The following SV2B variants were observed in gnomAD, a reference collection of about 807,000 sequenced individuals.
SV2B encodes the protein synaptic vesicle glycoprotein 2B.
Under a neutral mutation model 73.9 loss-of-function variants are expected in SV2B, and 41 were observed. That is an observed-to-expected ratio of 0.56 (90% CI 0.43 to 0.72). SV2B has a LOEUF of 0.72. SV2B is among the 30% of genes least tolerant of loss of function. SV2B has a pLI of 0.00. For synonymous variants in SV2B, 314 were observed against 314.2 expected (o/e 1.00, Z 0.01); for missense variants, 764 against 857.8 (o/e 0.89, Z 1.37).
chr15:91,211,230 G>A (rs1319789000), intron 1 of SV2B, among the ~76,000 whole-genome samples: 4 of 152,216 alleles, frequency 2.6e-5, no homozygotes, highest in African/African-American at 9.6e-5. Flanking sequence ...GGAATGGAGT[G>A]AAGGGCTCAT....
rs892688142 is a variant in SV2B, at chr15:91,232,592, G to A, written c.451+5878G>A. ...TCTAGAGGAGCGGAATTTTGAGGAT[G>A]AGTTGTCTGAATTGGTTCTGGGGTT... On this transcript the variant is annotated intron_variant, in intron 2 of 12. Transcript: ENST00000394232. The surrounding 1 kb of genome is among the most constrained non-coding windows in gnomAD (Gnocchi z 4.7). Among the ~76,000 whole-genome samples the A allele has an allele frequency of 2.6e-5, 4 of 152,130 alleles. No homozygotes were observed. Among genetic ancestry groups the A allele is most frequent in the Non-Finnish European group, 5.9e-5 (4 of 68,022 alleles).
At chr15:91,273,344 A>G (rs1476765380) in intron 9 of SV2B, among the ~76,000 whole-genome samples, 1 of 152,206 alleles carries the variant, frequency 6.6e-6, no homozygotes, top group Non-Finnish European at 1.5e-5. Flanking sequence ...TCCACATCAG[A>G]ATGTGATAAT....
chr15:91,183,635 T>C (rs1447590853), intron 1 of SV2B, among the ~76,000 whole-genome samples: 2 of 152,242 alleles, frequency 1.3e-5, no homozygotes, highest in Admixed American at 1.3e-4. Context: ...AGTTCCCCTG[T>C]TGAATTGGTT....
At chr15:91,200,921 G>T (rs1414164827) in intron 1 of SV2B, among the ~76,000 whole-genome samples, 5 of 152,052 alleles carry the variant, frequency 3.3e-5, no homozygotes, top group African/African-American at 1.2e-4. Flanking sequence ...AAAAGAAAAA[G>T]AAAAGAAAAC....
intron 4 of SV2B, among the ~76,000 whole-genome samples, chr15:91,255,245 A>T (rs2047643123): frequency 6.6e-6 from 1 of 152,252 alleles, no homozygotes; most frequent in Admixed American, 6.5e-5. Flanking sequence ...TGACCAACAT[A>T]GATGGGATGT....
At position 91,253,138 on chromosome 15, in the gene SV2B, G is replaced by A. The variant is rs961537820; in HGVS notation, c.784+618G>A. Among the ~76,000 whole-genome samples, 11 of 152,190 alleles carry A rather than the reference G, an allele frequency of 7.2e-5. No homozygotes were observed. Among genetic ancestry groups the A allele is most frequent in the Non-Finnish European group, 1.3e-4 (9 of 68,032 alleles). ...AACACTATTCTCTGGACAGAGACCTGGCAACATCAACTTTTACTACTGGTT... is the reference window on the plus strand; with the variant it reads ...AACACTATTCTCTGGACAGAGACCTAGCAACATCAACTTTTACTACTGGTT... On this transcript the variant is annotated intron_variant, in intron 4 of 12. Transcript: ENST00000394232. The surrounding 1 kb of genome is among the most constrained non-coding windows in gnomAD (Gnocchi z 5.0).
At chr15:91,145,913 T>C (rs765992161) in intron 1 of SV2B, among the ~76,000 whole-genome samples, 1 of 152,232 alleles carries the variant, frequency 6.6e-6, no homozygotes, top group Non-Finnish European at 1.5e-5. Context: ...TTGCAAACAT[T>C]TTCTCCCATT....
rs939310424 is a variant in SV2B, at chr15:91,242,233, C to T, written c.452-9586C>T. 6.6e-6 allele frequency among the ~76,000 whole-genome samples: 1 copy of T among 152,220 alleles called. No individual in the cohort carries two copies. The highest frequency in any genetic ancestry group is 1.5e-5 in the Non-Finnish European group (1 of 68,038). On this transcript the variant is annotated intron_variant, in intron 2 of 12. Coordinates refer to ENST00000394232, the MANE Select transcript of SV2B (RefSeq NM_001323032.3). The surrounding 1 kb of genome is among the most constrained non-coding windows in gnomAD (Gnocchi z 4.9). The stretch of plus-strand genomic sequence containing the variant: ...TCCATCACTGGTCTCTCTTCATATT[C>T]CTGGCCTTTAAATGTTGGAATGTCT...
chr15:91,161,172 G>A (rs368694520), intron 1 of SV2B, among the ~76,000 whole-genome samples: 17 of 152,292 alleles, frequency 1.1e-4, no homozygotes, highest in East Asian at 9.6e-4. Context: ...CTGCAAACAG[G>A]CATGATGGAA....
At chr15:91,192,114 T>G (rs1362364035) in intron 1 of SV2B, among the ~76,000 whole-genome samples, 1 of 152,224 alleles carries the variant, frequency 6.6e-6, no homozygotes, top group Non-Finnish European at 1.5e-5. Context: ...TTTATACATT[T>G]TTAAAAGTCA....
chr15:91,111,137 G>C (rs765501454), intron 1 of SV2B, among the ~76,000 whole-genome samples: 1 of 152,132 alleles, frequency 6.6e-6, no homozygotes, highest in Admixed American at 6.5e-5. Context: ...CTGCTTCTTC[G>C]GTGGCTCAGC....
chr15:91,161,981 C>A (rs192091584), intron 1 of SV2B, among the ~76,000 whole-genome samples: 98 of 152,290 alleles, frequency 6.4e-4, no homozygotes, highest in Middle Eastern at 6.8e-3. Context: ...GTCAGGGTAT[C>A]CACAGATGAC....
At chr15:91,102,044 A>G (rs12913734) in intron 1 of SV2B, 89,567 of 151,850 alleles carry the variant, frequency 0.59, 27,272 homozygotes, top group African/African-American at 0.68. Flanking sequence ...AGCCCAGTTC[A>G]AAAGGAAAAC....
At chr15:91,120,765 G>C (rs986770108) in intron 1 of SV2B, among the ~76,000 whole-genome samples, 1 of 145,144 alleles carries the variant, frequency 6.9e-6, no homozygotes, top group African/African-American at 2.5e-5. Context: ...AGTGAGCTGT[G>C]ATCGTGCCAC....
In SV2B at chr15:91,268,976, T is replaced by A. The variant is rs1416914893; in HGVS notation, c.1373+371T>A. ...CCGAACTAGTCCAAAGCCTGGGTGT[T>A]GAGCTTTTACTTTGACCCTAGAAGC... is the stretch of plus-strand genomic sequence containing the variant. On this transcript the variant is annotated intron_variant, in intron 9 of 12. Transcript: ENST00000394232. This position sits in a 1 kb window ranked among gnomAD's most constrained non-coding sequence, Gnocchi z 4.4. Among the ~76,000 whole-genome samples, 1 of 152,222 alleles carries A rather than the reference T, an allele frequency of 6.6e-6. No individual in the cohort carries two copies. The highest frequency in any genetic ancestry group is 1.5e-5 in the Non-Finnish European group (1 of 68,034).
intron 1 of SV2B, among the ~76,000 whole-genome samples, chr15:91,218,610 A>G (rs1214771454): frequency 1.3e-5 from 2 of 152,194 alleles, no homozygotes; most frequent in African/African-American, 4.8e-5. Context: ...AGGTTCTCAA[A>G]TAACATTTTC....
Position 91,267,170 on chromosome 15 carries a change from T to C in SV2B, c.1120-385T>C, listed in dbSNP as rs116383446. Among the ~76,000 whole-genome samples, 181 of 152,338 alleles carry C rather than the reference T, an allele frequency of 1.2e-3. No individual in the cohort carries two copies. Among genetic ancestry groups the C allele is most frequent in the African/African-American group, 3.8e-3 (159 of 41,584 alleles). ...GAGGCAGCCAGACAGCCAGCGTCTATTGGGACTGGTTGGCCTTCATGGTGT... is the reference window on the plus strand; with the variant it reads ...GAGGCAGCCAGACAGCCAGCGTCTACTGGGACTGGTTGGCCTTCATGGTGT... On this transcript the variant is annotated intron_variant, in intron 7 of 12. Coordinates refer to ENST00000394232, the MANE Select transcript of SV2B (RefSeq NM_001323032.3). The surrounding 1 kb of genome is among the most constrained non-coding windows in gnomAD (Gnocchi z 4.3).
chr15:91,169,723 C>T (rs191821708), intron 1 of SV2B, among the ~76,000 whole-genome samples: 1 of 152,142 alleles, frequency 6.6e-6, no homozygotes, highest in African/African-American at 2.4e-5. Flanking sequence ...ATAAGTGACA[C>T]GGAGAAATGA....
intron 4 of SV2B, among the ~76,000 whole-genome samples, chr15:91,255,484 G>C (rs1596706534): frequency 6.6e-6 from 1 of 152,152 alleles, no homozygotes; most frequent in East Asian, 1.9e-4. Flanking sequence ...GGTGGGAAGG[G>C]GGTGAGGTAT....
Sources: allele counts gnomAD v4.1 joint callset (sites outside exome capture counted in the v4.1 genomes callset), GRCh38; gene constraint gnomAD v4.1.1; non-coding constraint Gnocchi (gnomAD v3.1); transcripts MANE v1.5; gene names NCBI Gene and HGNC (gene_info 2026-07-23, HGNC 2026-07-21).